The following ASCC1 variants were observed in gnomAD, a reference collection of about 807,000 sequenced individuals.
ASCC1 encodes the protein ASC-1 complex subunit P50.
In ASCC1, 35 loss-of-function variants were observed where a neutral mutation model predicts 46.6. That is an observed-to-expected ratio of 0.75 (90% CI 0.57 to 0.99). The LOEUF (loss-of-function observed/expected upper bound fraction) is 0.99. ASCC1 is among the 50% of genes least tolerant of loss of function. The pLI, the probability that ASCC1 is intolerant of heterozygous loss-of-function variation, is 0.00. For missense variants in ASCC1, 376 were observed against 428.7 expected, an observed-to-expected ratio of 0.88 and a Z score of 1.09; for synonymous variants, 143 against 146.6, an observed-to-expected ratio of 0.98 and a Z score of 0.18.
chr10:72,214,982 G>C (rs1589685032), intron 1 of ASCC1, among the ~76,000 whole-genome samples: 1 of 152,322 alleles, frequency 6.6e-6, no homozygotes, highest in South Asian at 2.1e-4. Flanking sequence ...AGGAAACAAA[G>C]GTTCCTTACA....
intron 6 of ASCC1, chr10:72,159,121 A>G (rs550813043): frequency 6.6e-6 from 1 of 152,354 alleles, no homozygotes; most frequent in Non-Finnish European, 1.5e-5. Context: ...CTTTTTAAAA[A>G]GAGCATCTTT....
chr10:72,215,027 C>T (rs563741527), intron 1 of ASCC1, among the ~76,000 whole-genome samples: 1 of 152,354 alleles, frequency 6.6e-6, no homozygotes, highest in East Asian at 1.9e-4. Flanking sequence ...AATATTCCTA[C>T]CACGTACAGC....
intron 5 of ASCC1, among the ~76,000 whole-genome samples, chr10:72,192,217 A>G (rs1461695472): frequency 6.6e-6 from 1 of 152,034 alleles, no homozygotes; most frequent in South Asian, 2.1e-4. Context: ...GCACTTTGGG[A>G]GGCTGAGGCA....
chr10:72,211,599 A>G (rs914972363), intron 2 of ASCC1, among the ~76,000 whole-genome samples: 1 of 152,024 alleles, frequency 6.6e-6, no homozygotes, highest in African/African-American at 2.4e-5. Flanking sequence ...ACGGCTGGGC[A>G]CGGTGACTCA....
intron 7 of ASCC1, among the ~76,000 whole-genome samples, chr10:72,150,528 T>C (rs1468795075): frequency 6.6e-6 from 1 of 152,198 alleles, no homozygotes; most frequent in African/African-American, 2.4e-5. Context: ...ATTCAACTAA[T>C]AAATGATGTT....
At chr10:72,153,198 G>A (rs767313600) in intron 6 of ASCC1, among the ~76,000 whole-genome samples, 12 of 152,062 alleles carry the variant, frequency 7.9e-5, no homozygotes, top group Non-Finnish European at 1.6e-4. Flanking sequence ...GGAAAACACC[G>A]GAAAGTATTT....
At chr10:72,180,532 A>C (rs1171021284) in intron 5 of ASCC1, among the ~76,000 whole-genome samples, 1 of 152,164 alleles carries the variant, frequency 6.6e-6, no homozygotes, top group Non-Finnish European at 1.5e-5. Context: ...TGGCTGAGGC[A>C]CAAGAATCAC....
At chr10:72,151,911 G>A (rs1472764946) in intron 7 of ASCC1, among the ~76,000 whole-genome samples, 9 of 151,296 alleles carry the variant, frequency 5.9e-5, no homozygotes, top group South Asian at 2.1e-4. Flanking sequence ...GGGTGGATTC[G>A]ATCTCCTGAC....
At chr10:72,164,126 C>T (rs567551611) in intron 5 of ASCC1, among the ~76,000 whole-genome samples, 1 of 152,136 alleles carries the variant, frequency 6.6e-6, no homozygotes, top group African/African-American at 2.4e-5. Flanking sequence ...CCACTCCTGG[C>T]TAATTTTTTG....
chr10:72,204,424 G>A, intron 3 of ASCC1: 1 of 1,550,252 alleles, frequency 6.5e-7, no homozygotes, highest in African/African-American at 1.4e-5. Flanking sequence ...TTACTTGCCT[G>A]GACTTCCAAG....
chr10:72,148,804 G>C (rs1196726619), intron 7 of ASCC1, among the ~76,000 whole-genome samples: 1 of 152,022 alleles, frequency 6.6e-6, no homozygotes, highest in African/African-American at 2.4e-5. Context: ...TAATGTAAGA[G>C]AGTATGAATG....
chr10:72,105,061 C>A (rs1842192327), intron 9 of ASCC1, among the ~76,000 whole-genome samples: 1 of 152,204 alleles, frequency 6.6e-6, no homozygotes, highest in Non-Finnish European at 1.5e-5. Context: ...TAATAAAATT[C>A]TCTGCCTTCA....
chr10:72,145,561 A>T (rs1847528683), intron 7 of ASCC1, among the ~76,000 whole-genome samples: 1 of 152,180 alleles, frequency 6.6e-6, no homozygotes, highest in African/African-American at 2.4e-5. Flanking sequence ...GCTTTCCTTG[A>T]GGCTTTTTCT....
chr10:72,128,182 A>G lies in ASCC1; in HGVS notation c.872-15T>C, dbSNP rs1305783470. 1 of 1,602,660 alleles carries G rather than the reference A, an allele frequency of 6.2e-7. No individual in the cohort carries two copies. On this transcript the variant is annotated splice_polypyrimidine_tract_variant and intron_variant, in intron 8 of 9. Coordinates refer to ENST00000672957, the MANE Select transcript of ASCC1 (RefSeq NM_001198800.3). ...CCTGCCTTCAGCTGTAAATATTCCA[A>G]AGATAATGTTAGAAGCTTAGATTGA...
At chr10:72,204,844 A>T (rs984984268) in intron 3 of ASCC1, among the ~76,000 whole-genome samples, 9 of 152,146 alleles carry the variant, frequency 5.9e-5, no homozygotes, top group Admixed American at 4.6e-4. Context: ...TTGTTTTCCC[A>T]CCTTACCAAT....
At chr10:72,097,497 T>A (rs573423598) in intron 9 of ASCC1, 47 bp from the exon 10 acceptor site, 1 of 1,159,900 alleles carries the variant, frequency 8.6e-7, no homozygotes, top group South Asian at 1.2e-5. Flanking sequence ...AAAGTATAGA[T>A]GAAAATATTA....
At chr10:72,167,609 T>C (rs1850518868) in intron 5 of ASCC1, among the ~76,000 whole-genome samples, 1 of 151,926 alleles carries the variant, frequency 6.6e-6, no homozygotes, top group Non-Finnish European at 1.5e-5. Flanking sequence ...TATACCTTAA[T>C]GAAGCTGTTA....
intron 6 of ASCC1, among the ~76,000 whole-genome samples, chr10:72,156,558 C>T (rs754455251): frequency 6.6e-6 from 1 of 151,994 alleles, no homozygotes; most frequent in Non-Finnish European, 1.5e-5. Context: ...GTCAGGAGAT[C>T]GAGACCATCC....
chr10:72,162,602 T>C (rs990870837), intron 5 of ASCC1, among the ~76,000 whole-genome samples: 3 of 152,106 alleles, frequency 2.0e-5, no homozygotes, highest in Non-Finnish European at 2.9e-5. Flanking sequence ...CCTGCATAGC[T>C]GGGATTATGG....
Sources: allele counts gnomAD v4.1 joint callset (sites outside exome capture counted in the v4.1 genomes callset), GRCh38; gene constraint gnomAD v4.1.1; transcripts MANE v1.5; gene names NCBI Gene and HGNC (gene_info 2026-07-23, HGNC 2026-07-21).